The following NUP210 variants were observed in gnomAD, a reference collection of about 807,000 sequenced individuals.
NUP210 encodes the protein nuclear pore membrane glycoprotein 210.
NUP210 carries 151 observed loss-of-function variants against 196.0 expected under a neutral mutation model. The ratio of observed to expected loss-of-function variants is 0.77; its 90% CI spans 0.67 to 0.88. NUP210 has a LOEUF of 0.88. Among genes scored for constraint, NUP210 ranks in the 40% least tolerant of loss-of-function variants. The pLI is 0.00. For missense variants in NUP210, 2,314 were observed against 2,493.7 expected (o/e 0.93, Z 1.53); for synonymous variants, 1,070 against 1,052.7 (o/e 1.02, Z -0.32).
chr3:13,392,801 T>C (rs1257357027), intron 3 of NUP210, among the ~76,000 whole-genome samples: 2 of 152,124 alleles, frequency 1.3e-5, no homozygotes, highest in Non-Finnish European at 2.9e-5. Flanking sequence ...AGCCAGCAGG[T>C]TGGCTTAGCA....
In NUP210 at chr3:13,404,832, G is replaced by A. The variant is rs1449861934; in HGVS notation, c.168-4971C>T. On this transcript the variant is annotated intron_variant, in intron 1 of 39. Transcript: ENST00000254508. Reference sequence around the variant, plus strand: ...AGAGCTGGCCAGTCATGTGCAAGTCGGGAATGTTTCTGTTTCCAGGATCTG... The same window carrying A: ...AGAGCTGGCCAGTCATGTGCAAGTCAGGAATGTTTCTGTTTCCAGGATCTG... Among the ~76,000 whole-genome samples, 3 of 152,288 alleles carry A rather than the reference G, an allele frequency of 2.0e-5. No individual in the cohort carries two copies. The East Asian group carries it at 5.8e-4, about 29-fold the overall frequency.
rs777307033 is a variant in NUP210, at chr3:13,340,260, T to C, written c.3267A>G (p.Thr1089=). ...PPFRLMPRKV[T]LLIGATMQVT... is the part of the protein sequence containing the mutation. ...CCTGCATCGTGGCCCCGATAAGCAG[T>C]GTCACCTTCCTGGGCATCAGCCTGA... The change falls in exon 24 of 40, where the codon ACA becomes ACG. Residue 1089 remains threonine (T), a synonymous_variant. Coordinates refer to ENST00000254508, the MANE Select transcript of NUP210 (RefSeq NM_024923.4). The surrounding 1 kb of genome is among the most constrained non-coding windows in gnomAD (Gnocchi z 4.0). 2 of 1,613,418 alleles carry C rather than the reference T, an allele frequency of 1.2e-6. No individual in the cohort carries two copies. Among genetic ancestry groups the C allele is most frequent in the South Asian group, 2.2e-5 (2 of 91,088 alleles).
At chr3:13,418,510 G>T (rs1223276432) in intron 1 of NUP210, among the ~76,000 whole-genome samples, 1 of 140,290 alleles carries the variant, frequency 7.1e-6, no homozygotes, top group Non-Finnish European at 1.5e-5. Flanking sequence ...GCTGAGGCAG[G>T]TGGATCGCTT....
At chr3:13,371,620 G>A (rs1282545085) in intron 13 of NUP210, among the ~76,000 whole-genome samples, 1 of 152,368 alleles carries the variant, frequency 6.6e-6, no homozygotes, top group Non-Finnish European at 1.5e-5. Context: ...AACTGAGGCT[G>A]AGCGAGGCCA....
chr3:13,345,365 G>A (rs1697680658), intron 20 of NUP210, among the ~76,000 whole-genome samples: 1 of 152,212 alleles, frequency 6.6e-6, no homozygotes, highest in Non-Finnish European at 1.5e-5. Context: ...GGCAGAGCTG[G>A]GGATAGAACC....
rs1319090852 is a variant in NUP210, at chr3:13,406,884, G to A, written c.168-7023C>T. 2.0e-5 allele frequency among the ~76,000 whole-genome samples: 3 copies of A among 149,306 alleles called. No homozygotes were observed. In the East Asian group the frequency reaches 5.9e-4, roughly 30 times the overall value. Reference sequence around the variant, plus strand: ...GCACACATGGCAGGTTTCATAGTCGGGAGTGGTGCGTGTGGCTTTCCCAGG... The same window carrying A: ...GCACACATGGCAGGTTTCATAGTCGAGAGTGGTGCGTGTGGCTTTCCCAGG... On this transcript the variant is annotated intron_variant, in intron 1 of 39. Transcript: ENST00000254508.
At chr3:13,338,201 T>C (rs574457192) in intron 25 of NUP210, among the ~76,000 whole-genome samples, 4 of 152,306 alleles carry the variant, frequency 2.6e-5, no homozygotes, top group African/African-American at 4.8e-5. Context: ...CACTGCAGAC[T>C]TGGGGCCGGG....
chr3:13,354,367 C>T, intron 16 of NUP210: 1 of 506,692 alleles, frequency 2.0e-6, no homozygotes, highest in Non-Finnish European at 3.6e-6. Flanking sequence ...ACACTGGAGG[C>T]ATTTCTGGCT....
At chr3:13,358,541 TAACA>T in intron 15 of NUP210, 146 bp from the exon 16 acceptor site, 1 of 749,252 alleles carries the variant, frequency 1.3e-6, no homozygotes, top group Non-Finnish European at 2.1e-6. Flanking sequence ...CACAGGGTCT[TAACA>T]AAGGCCCAGT....
At chr3:13,377,359 A>G (rs111598770) in intron 9 of NUP210, 97 bp downstream of exon 9, 4 of 849,870 alleles carry the variant, frequency 4.7e-6, no homozygotes, top group East Asian at 2.5e-5. Flanking sequence ...GTCAGCCTGC[A>G]TGGGGGCTCC....
intron 13 of NUP210, among the ~76,000 whole-genome samples, chr3:13,368,070 T>C (rs1698601309): frequency 8.5e-6 from 1 of 117,570 alleles, no homozygotes; most frequent in African/African-American, 4.1e-5. Flanking sequence ...CATTATTAAA[T>C]TTTAAAATTT....
At position 13,379,845 on chromosome 3, in the gene NUP210, T is replaced by A; in HGVS notation, c.818-124A>T. 1 of 741,312 alleles carries A rather than the reference T, an allele frequency of 1.3e-6. No individual in the cohort carries two copies. The highest frequency in any genetic ancestry group is 2.1e-6 in the Non-Finnish European group (1 of 484,564). 45.9% of individuals were successfully genotyped at this position (741,312 alleles called of 1,614,324 possible). A position where few individuals can be genotyped will look rare whatever the true frequency, so the allele number is the denominator to read the frequency against. ...TCTGCTCTCAGTACAGCTGACGCATTTTCTTAATTGTTTTCAGTGCTTTAA... is the reference window on the plus strand; with the variant it reads ...TCTGCTCTCAGTACAGCTGACGCATATTCTTAATTGTTTTCAGTGCTTTAA... On this transcript the variant is annotated intron_variant, in intron 6 of 39. Transcript: ENST00000254508. This position sits in a 1 kb window ranked among gnomAD's most constrained non-coding sequence, Gnocchi z 4.2.
intron 16 of NUP210, among the ~76,000 whole-genome samples, chr3:13,355,125 G>A (rs1698124707): frequency 6.6e-6 from 1 of 152,212 alleles, no homozygotes; most frequent in Admixed American, 6.5e-5. Flanking sequence ...ACAACTGAGG[G>A]ATTTAAATAT....
rs928296716 is a variant in NUP210 at position 13,420,250 on chromosome 3, G to T, written c.-24C>A. ...ATCCTCGCCGCGCGTCACCTCCCGC[G>T]ACCCTGCGCCCGGCCGCCCGCGCCG... On this transcript the variant is annotated 5_prime_UTR_variant, in exon 1 of 40. Transcript: ENST00000254508. This position sits in a 1 kb window ranked among gnomAD's most constrained non-coding sequence, Gnocchi z 4.8. The T allele has an allele frequency of 3.7e-6, 4 of 1,073,700 alleles. No individual in the cohort carries two copies. Among genetic ancestry groups the T allele is most frequent in the Admixed American group, 5.4e-5 (1 of 18,522 alleles). 66.5% of individuals were successfully genotyped at this position (1,073,700 alleles called of 1,614,324 possible).
intron 21 of NUP210, among the ~76,000 whole-genome samples, chr3:13,342,901 GA>G (rs1244331171): frequency 2.0e-5 from 3 of 152,228 alleles, no homozygotes; most frequent in African/African-American, 7.2e-5. Context: ...CAGAAGACAT[GA>G]ATTCCCAGGT....
intron 20 of NUP210, among the ~76,000 whole-genome samples, chr3:13,343,998 C>A (rs1037119815): frequency 1.8e-4 from 27 of 152,174 alleles, no homozygotes; most frequent in Admixed American, 1.3e-3. Flanking sequence ...CAAATCAGAG[C>A]TAGTTTTTTC....
intron 1 of NUP210, among the ~76,000 whole-genome samples, chr3:13,401,024 G>A (rs1020169379): frequency 2.0e-5 from 3 of 152,062 alleles, no homozygotes; most frequent in Admixed American, 1.3e-4. Flanking sequence ...TTGGGAGGCC[G>A]AGGTGGGCAG....
At chr3:13,391,163 T>A in intron 4 of NUP210, 48 bp downstream of exon 4, 1 of 1,387,864 alleles carries the variant, frequency 7.2e-7, no homozygotes, top group Admixed American at 1.8e-5. Context: ...GGTGTCCCCC[T>A]TTCCCCTTCC....
In NUP210 at chr3:13,401,152, G is replaced by A. The variant is rs185737514; in HGVS notation, c.168-1291C>T. On this transcript the variant is annotated intron_variant, in intron 1 of 39. Coordinates refer to ENST00000254508, the MANE Select transcript of NUP210 (RefSeq NM_024923.4). ...CAGGTACCTGTAATCCCAGCTACTCGGTAGGCTGAGGCAGGAGAATCGCTT... is the reference window on the plus strand; with the variant it reads ...CAGGTACCTGTAATCCCAGCTACTCAGTAGGCTGAGGCAGGAGAATCGCTT... 2.1e-4 allele frequency among the ~76,000 whole-genome samples: 29 copies of A among 141,158 alleles called. No homozygotes were observed. In the East Asian group the frequency reaches 5.4e-3, roughly 26 times the overall value. The allele number at this position is 141,158 out of a possible 152,430, so 92.6% of individuals were successfully genotyped here.
Sources: allele counts gnomAD v4.1 joint callset (sites outside exome capture counted in the v4.1 genomes callset), GRCh38; gene constraint gnomAD v4.1.1; non-coding constraint Gnocchi (gnomAD v3.1); transcripts MANE v1.5; gene names NCBI Gene and HGNC (gene_info 2026-07-23, HGNC 2026-07-21).